Variants in SCN11A observed in about 807,000 individuals in gnomAD.
The protein encoded by SCN11A is sodium channel protein type 11 subunit alpha.
Under a neutral mutation model 162.2 loss-of-function variants are expected in SCN11A, and 122 were observed. The ratio of observed to expected loss-of-function variants is 0.75; its 90% CI spans 0.65 to 0.87. SCN11A has a LOEUF of 0.87. Ranked by LOEUF, SCN11A falls within the 40% of genes least tolerant of loss-of-function variation. The pLI, the probability that SCN11A is intolerant of heterozygous loss-of-function variation, is 0.00. For synonymous variants in SCN11A, 758 were observed against 751.5 expected, an observed-to-expected ratio of 1.01 and a Z score of -0.14; for missense variants, 2,015 against 2,181.6, an observed-to-expected ratio of 0.92 and a Z score of 1.52.
chr3:38,963,421 G>GGA (rs1181824498), intron 2 of SCN11A, among the ~76,000 whole-genome samples: 2 of 33,598 alleles, frequency 6.0e-5, no homozygotes, highest in Non-Finnish European at 1.0e-4. Context: ...TATATATGAT[G>GGA]GAGATATATA....
chr3:38,962,953 C>T (rs2066750974), intron 2 of SCN11A, among the ~76,000 whole-genome samples: 1 of 151,860 alleles, frequency 6.6e-6, no homozygotes, highest in African/African-American at 2.4e-5. Flanking sequence ...AAAAAATGCT[C>T]AACATCACTA....
At chr3:38,895,033 G>A (rs1432767413) in intron 18 of SCN11A, 69 bp from the exon 19 acceptor site, 10 of 1,424,280 alleles carry the variant, frequency 7.0e-6, no homozygotes, top group South Asian at 2.9e-5. Flanking sequence ...GGGTTTCCAG[G>A]ACAACTTTTC....
intron 19 of SCN11A, among the ~76,000 whole-genome samples, chr3:38,889,216 C>T (rs140513520): frequency 0.01 from 1,542 of 151,680 alleles, 33 homozygotes; most frequent in African/African-American, 0.035. Context: ...ACCTGAGGTC[C>T]AGAGTTCAAG....
intron 19 of SCN11A, among the ~76,000 whole-genome samples, chr3:38,887,366 T>C (rs1163573924): frequency 1.4e-5 from 2 of 148,016 alleles, no homozygotes; most frequent in African/African-American, 5.0e-5. Flanking sequence ...ACCTGGCACC[T>C]CCTAGCCCCT....
At chr3:39,043,046 C>A (rs1024408708) in intron 1 of SCN11A, among the ~76,000 whole-genome samples, 3 of 150,220 alleles carry the variant, frequency 2.0e-5, no homozygotes, top group South Asian at 2.1e-4. Flanking sequence ...GTACAAATGG[C>A]AAACAGGCAT....
At chr3:38,910,668 T>G (rs1304556301) in intron 11 of SCN11A, among the ~76,000 whole-genome samples, 1 of 152,186 alleles carries the variant, frequency 6.6e-6, no homozygotes, top group East Asian at 1.9e-4. Context: ...AATGGAACAA[T>G]ATAGTTCAGA....
intron 18 of SCN11A, among the ~76,000 whole-genome samples, chr3:38,895,439 C>T (rs890791678): frequency 2.0e-5 from 3 of 152,180 alleles, no homozygotes; most frequent in Non-Finnish European, 4.4e-5. Context: ...TTGCCCTAAC[C>T]TTAGTAACGT....
intron 7 of SCN11A, among the ~76,000 whole-genome samples, chr3:38,929,174 T>C (rs6599270): frequency 0.31 from 9,425 of 30,494 alleles, 988 homozygotes; most frequent in African/African-American, 0.41. Flanking sequence ...CACACACACA[T>C]GTTTGGGACT....
At chr3:38,950,066 CCCA>C (rs1471750491) in intron 5 of SCN11A, 27 bp downstream of exon 5, 2 of 84,202 alleles carry the variant, frequency 2.4e-5, no homozygotes, top group Non-Finnish European at 2.2e-5. Context: ...CACCCCCACC[CCCA>C]CCCCCCCCCC....
rs201128770 is a variant in SCN11A, at chr3:38,950,192, C to T, written c.171G>A (p.Lys57=). The change falls in exon 5 of 30, where the codon AAG becomes AAA. Residue 57 remains lysine, a synonymous_variant. Coordinates refer to ENST00000302328, the MANE Select transcript of SCN11A (RefSeq NM_001349253.2). ...VPQPRPQLDL[K]ASRKLPKLYG... ...AGAGCTTGGGCAACTTCCTGGAGGC[C>T]TTTAGGTCAAGCTGAGGCCGAGGCT... 1 of 1,613,786 alleles carries T rather than the reference C, an allele frequency of 6.2e-7. No homozygotes were observed. Among genetic ancestry groups the T allele is most frequent in the Admixed American group, 1.7e-5 (1 of 59,976 alleles).
At chr3:38,964,351 A>G (rs923928213) in intron 2 of SCN11A, among the ~76,000 whole-genome samples, 1 of 152,208 alleles carries the variant, frequency 6.6e-6, no homozygotes, top group Non-Finnish European at 1.5e-5. Flanking sequence ...CTCATTTAGC[A>G]AAGATGACAT....
chr3:38,929,273 A>C (rs1020178816), intron 7 of SCN11A, among the ~76,000 whole-genome samples: 14 of 152,188 alleles, frequency 9.2e-5, no homozygotes, highest in Admixed American at 6.5e-4. Flanking sequence ...CTGAAAAAGG[A>C]AGAAAATTTT....
intron 18 of SCN11A, among the ~76,000 whole-genome samples, chr3:38,895,204 C>T (rs747510851): frequency 6.6e-6 from 1 of 152,180 alleles, no homozygotes; most frequent in Non-Finnish European, 1.5e-5. Context: ...ACTTTCCCTA[C>T]ATATAAATAA....
At chr3:38,961,032 C>CT (rs1301085181) in intron 2 of SCN11A, among the ~76,000 whole-genome samples, 1 of 152,094 alleles carries the variant, frequency 6.6e-6, no homozygotes, top group African/African-American at 2.4e-5. Flanking sequence ...TTAAGTCTCC[C>CT]TGGAAAGTAT....
intron 7 of SCN11A, among the ~76,000 whole-genome samples, chr3:38,938,546 ATATATTTTTTTTTTTT>A (rs2066388024): frequency 4.1e-4 from 8 of 19,420 alleles, no homozygotes; most frequent in African/African-American, 2.5e-3. Flanking sequence ...ATATATATAT[ATATATTTTTTTTTTTT>A]TTTTTTTTTT....
intron 28 of SCN11A, among the ~76,000 whole-genome samples, chr3:38,853,502 T>C (rs561208871): frequency 6.6e-6 from 1 of 152,316 alleles, no homozygotes; most frequent in African/African-American, 2.4e-5. Flanking sequence ...AAAGATAAAT[T>C]CTAAATCCTT....
chr3:39,001,605 C>T (rs540496745), intron 2 of SCN11A, among the ~76,000 whole-genome samples: 85 of 152,188 alleles, frequency 5.6e-4, no homozygotes, highest in African/African-American at 1.7e-3. Flanking sequence ...CTTACTTTTA[C>T]GTCTTTCATC....
At chr3:38,850,247 T>C (rs968554168) in intron 29 of SCN11A, 2 of 482,562 alleles carry the variant, frequency 4.1e-6, no homozygotes, top group African/African-American at 3.9e-5. Context: ...ATTAGCTGCA[T>C]GATTATTGAA....
chr3:38,872,434 G>C (rs2065145103), intron 23 of SCN11A, 140 bp from the exon 24 acceptor site: 1 of 581,610 alleles, frequency 1.7e-6, no homozygotes, highest in Non-Finnish European at 3.2e-6. Context: ...GAAAGACATA[G>C]AAAATCCGAG....
Sources: gnomAD v4.1 joint callset for allele counts (sites outside exome capture counted in the v4.1 genomes callset) on GRCh38, gnomAD v4.1.1 for gene constraint, MANE v1.5 for transcripts, NCBI Gene and HGNC (gene_info 2026-07-23, HGNC 2026-07-21) for gene names.